The following SLC17A8 variants were observed in gnomAD, a reference collection of about 807,000 sequenced individuals.
SLC17A8 encodes the protein vesicular glutamate transporter 3.
In SLC17A8, 31 loss-of-function variants were observed where a neutral mutation model predicts 58.0. The ratio of observed to expected loss-of-function variants is 0.53; its 90% CI spans 0.40 to 0.72. The LOEUF (loss-of-function observed/expected upper bound fraction) is 0.72. Ranked by LOEUF, SLC17A8 falls within the 30% of genes least tolerant of loss-of-function variation. The probability of loss-of-function intolerance (pLI) is 0.00; values close to 1 mark genes in which losing one functional copy is unlikely to be tolerated. For synonymous variants in SLC17A8, 228 were observed against 249.0 expected (o/e 0.92, Z 0.79); for missense variants, 655 against 727.8 (o/e 0.90, Z 1.15).
intron 6 of SLC17A8, 117 bp from the exon 7 acceptor site, chr12:100,402,223 A>G: frequency 8.7e-7 from 1 of 1,153,842 alleles, no homozygotes; most frequent in Admixed American, 2.1e-5. Context: ...AAACCTTGTT[A>G]CAACATTGGT....
At chr12:100,405,202 C>T (rs1054447018) in intron 9 of SLC17A8, among the ~76,000 whole-genome samples, 6 of 152,186 alleles carry the variant, frequency 3.9e-5, no homozygotes, top group Non-Finnish European at 1.5e-5. Flanking sequence ...ATGTGTGGGC[C>T]TGACCTTAGC....
In SLC17A8 at chr12:100,404,157, C is replaced by T; in HGVS notation, c.1173C>T (p.Ile391=). The T allele has an allele frequency of 6.2e-7, 1 of 1,614,152 alleles. No homozygotes were observed. The change falls in exon 9 of 12, where the codon ATC becomes ATT. Residue 391 remains isoleucine (I), a synonymous_variant. Coordinates refer to ENST00000323346, the MANE Select transcript of SLC17A8 (RefSeq NM_139319.3). ...QILTTTAVRK[I]MNCGGFGMEA... is the part of the protein sequence containing the mutation. Reference sequence around the variant, plus strand: ...TAACCACAACTGCTGTCAGAAAAATCATGAACTGTGGAGGTACTGTGGATT... The same window carrying T: ...TAACCACAACTGCTGTCAGAAAAATTATGAACTGTGGAGGTACTGTGGATT...
At chr12:100,390,353 AT>A (rs36053003) in intron 2 of SLC17A8, among the ~76,000 whole-genome samples, 8 of 147,554 alleles carry the variant, frequency 5.4e-5, no homozygotes, top group East Asian at 2.0e-4. Context: ...TGTTTGTTTC[AT>A]TTTTTTTTTT....
chr12:100,359,981 G>A (rs938491886), intron 1 of SLC17A8, among the ~76,000 whole-genome samples: 2 of 152,200 alleles, frequency 1.3e-5, no homozygotes, highest in African/African-American at 4.8e-5. Flanking sequence ...TTGAGGCTGA[G>A]GTCATCATCT....
At chr12:100,390,773 C>CGG (rs1952710173) in intron 2 of SLC17A8, among the ~76,000 whole-genome samples, 1 of 152,088 alleles carries the variant, frequency 6.6e-6, no homozygotes, top group East Asian at 1.9e-4. Context: ...GCTGAGGTCC[C>CGG]ACCTCAGCCT....
chr12:100,359,556 A>G (rs1248121211), intron 1 of SLC17A8, among the ~76,000 whole-genome samples: 1 of 152,228 alleles, frequency 6.6e-6, no homozygotes, highest in Non-Finnish European at 1.5e-5. Context: ...AGATATTGTC[A>G]TGGTTGTCCT....
intron 9 of SLC17A8, among the ~76,000 whole-genome samples, chr12:100,409,393 C>T (rs1952850777): frequency 6.6e-6 from 1 of 152,004 alleles, no homozygotes. Flanking sequence ...GCCATGTTGC[C>T]CAGGCTGGTC....
intron 1 of SLC17A8, among the ~76,000 whole-genome samples, chr12:100,359,354 G>A (rs1002745353): frequency 2.6e-5 from 4 of 152,118 alleles, no homozygotes; most frequent in Non-Finnish European, 1.5e-5. Context: ...TTGATTGGAG[G>A]AGCTACATGG....
intron 9 of SLC17A8, among the ~76,000 whole-genome samples, chr12:100,405,606 A>T (rs1952821307): frequency 6.6e-6 from 1 of 151,920 alleles, no homozygotes; most frequent in Non-Finnish European, 1.5e-5. Flanking sequence ...ACAAGAAGAG[A>T]TTCCGCCATA....
intron 9 of SLC17A8, among the ~76,000 whole-genome samples, chr12:100,411,088 G>T (rs1952864198): frequency 1.3e-5 from 2 of 152,178 alleles, no homozygotes; most frequent in Admixed American, 1.3e-4. Context: ...CACAGAATAT[G>T]GAAGATTAAT....
intron 1 of SLC17A8, among the ~76,000 whole-genome samples, chr12:100,358,181 T>C (rs986861867): frequency 2.6e-5 from 4 of 152,230 alleles, no homozygotes; most frequent in African/African-American, 9.6e-5. Flanking sequence ...GTTTAATTTA[T>C]GAATTTTTAT....
At position 100,383,909 on chromosome 12, in the gene SLC17A8, T is replaced by G. The variant is rs553923757; in HGVS notation, c.354+2956T>G. Reference sequence around the variant, plus strand: ...TTTTAGAGATGGGATCATGCCATGTTGCCCAGGCTGATCTCAAACCCCTGG... The same window carrying G: ...TTTTAGAGATGGGATCATGCCATGTGGCCCAGGCTGATCTCAAACCCCTGG... On this transcript the variant is annotated intron_variant, in intron 2 of 11. Coordinates refer to ENST00000323346, the MANE Select transcript of SLC17A8 (RefSeq NM_139319.3). Among the ~76,000 whole-genome samples, 105 of 152,290 alleles carry G rather than the reference T, an allele frequency of 6.9e-4. No homozygotes were observed. In the Middle Eastern group the frequency reaches 0.017, roughly 25 times the overall value.
intron 4 of SLC17A8, among the ~76,000 whole-genome samples, chr12:100,395,624 C>G (rs773254061): frequency 6.9e-6 from 1 of 144,874 alleles, no homozygotes; most frequent in Non-Finnish European, 1.5e-5. Flanking sequence ...TGTGCCTGGC[C>G]TTTTTTTTTT....
At chr12:100,375,251 G>A (rs1047856048) in intron 1 of SLC17A8, among the ~76,000 whole-genome samples, 1 of 151,740 alleles carries the variant, frequency 6.6e-6, no homozygotes, top group Admixed American at 6.6e-5. Context: ...GCCTCCCAAA[G>A]TACTTGGATT....
chr12:100,366,808 C>A (rs1480298514), intron 1 of SLC17A8, among the ~76,000 whole-genome samples: 1 of 152,200 alleles, frequency 6.6e-6, no homozygotes. Context: ...ATTGGCTGCC[C>A]ATTTTATTTT....
At chr12:100,371,024 G>A (rs1952555566) in intron 1 of SLC17A8, among the ~76,000 whole-genome samples, 1 of 152,230 alleles carries the variant, frequency 6.6e-6, no homozygotes, top group Non-Finnish European at 1.5e-5. Flanking sequence ...TTGGCCAGGT[G>A]CACTTTATTG....
intron 10 of SLC17A8, among the ~76,000 whole-genome samples, chr12:100,414,685 T>C (rs1241720658): frequency 6.6e-6 from 1 of 152,254 alleles, no homozygotes; most frequent in Non-Finnish European, 1.5e-5. Flanking sequence ...AAATACTTAT[T>C]CAAATAAAAA....
intron 4 of SLC17A8, among the ~76,000 whole-genome samples, chr12:100,394,053 C>T (rs974424695): frequency 3.3e-5 from 5 of 152,190 alleles, no homozygotes; most frequent in Non-Finnish European, 7.3e-5. Context: ...GAAATTTGAA[C>T]TTCATATGAT....
intron 5 of SLC17A8, among the ~76,000 whole-genome samples, chr12:100,400,494 G>A (rs1403514765): frequency 6.6e-6 from 1 of 152,066 alleles, no homozygotes; most frequent in Non-Finnish European, 1.5e-5. Flanking sequence ...TGAGTCTCTT[G>A]ACTTCCTCGG....
Sources: allele counts gnomAD v4.1 joint callset (sites outside exome capture counted in the v4.1 genomes callset), GRCh38; gene constraint gnomAD v4.1.1; transcripts MANE v1.5; gene names NCBI Gene and HGNC (gene_info 2026-07-23, HGNC 2026-07-21).